The following CPA6 variants were observed in gnomAD, a reference collection of about 807,000 sequenced individuals.
The protein encoded by CPA6 is carboxypeptidase B.
Under a neutral mutation model 63.3 loss-of-function variants are expected in CPA6, and 58 were observed. That is an observed-to-expected ratio of 0.92 (90% confidence interval 0.74 to 1.14). CPA6 has a LOEUF of 1.14. CPA6 is among the 50% of genes most tolerant of loss of function. The probability of loss-of-function intolerance (pLI) is 0.00; values close to 1 mark genes in which losing one functional copy is unlikely to be tolerated. For missense variants in CPA6, 565 were observed against 526.6 expected (o/e 1.07, Z -0.71); for synonymous variants, 185 against 179.0 (o/e 1.03, Z -0.27).
chr8:67,448,534 G>A (rs2047834), intron 8 of CPA6, among the ~76,000 whole-genome samples: 36,682 of 149,420 alleles, frequency 0.25, 5,154 homozygotes, highest in African/African-American at 0.39. Context: ...TGGTAGGCTG[G>A]GGTGGAAGTA....
intron 2 of CPA6, among the ~76,000 whole-genome samples, chr8:67,580,476 A>G (rs1813743017): frequency 6.6e-6 from 1 of 152,196 alleles, no homozygotes; most frequent in Non-Finnish European, 1.5e-5. Context: ...AGAAGCCTCA[A>G]TGTCTTTAAA....
At chr8:67,535,987 G>A (rs776886824) in intron 2 of CPA6, among the ~76,000 whole-genome samples, 23 of 152,124 alleles carry the variant, frequency 1.5e-4, no homozygotes, top group Non-Finnish European at 2.5e-4. Flanking sequence ...GCTTGTTTTT[G>A]TCAGTTTGCC....
At chr8:67,579,148 C>T (rs944513919) in intron 2 of CPA6, among the ~76,000 whole-genome samples, 3 of 151,980 alleles carry the variant, frequency 2.0e-5, no homozygotes, top group Admixed American at 6.6e-5. Flanking sequence ...TGGTGGCTCA[C>T]GCCTGTAATC....
At chr8:67,530,691 T>A (rs185634986) in intron 2 of CPA6, among the ~76,000 whole-genome samples, 3 of 152,308 alleles carry the variant, frequency 2.0e-5, no homozygotes, top group Non-Finnish European at 4.4e-5. Flanking sequence ...ATGTCTGTTA[T>A]AACTACACAA....
intron 2 of CPA6, among the ~76,000 whole-genome samples, chr8:67,563,360 C>T (rs1479333633): frequency 6.6e-6 from 1 of 152,184 alleles, no homozygotes; most frequent in Non-Finnish European, 1.5e-5. Flanking sequence ...GCGTCATTCA[C>T]TGCCTGAGGT....
chr8:67,466,047 G>A (rs1296533795), intron 8 of CPA6, among the ~76,000 whole-genome samples: 1 of 150,236 alleles, frequency 6.7e-6, no homozygotes, highest in Non-Finnish European at 1.5e-5. Flanking sequence ...TCTTCTTCTG[G>A]CAGAATGTAG....
chr8:67,573,162 C>T (rs1184697126), intron 2 of CPA6, among the ~76,000 whole-genome samples: 1 of 152,204 alleles, frequency 6.6e-6, no homozygotes, highest in Non-Finnish European at 1.5e-5. Context: ...CCACAGCTAA[C>T]ATTATACACA....
At chr8:67,440,612 A>T (rs1022469108) in intron 8 of CPA6, among the ~76,000 whole-genome samples, 1 of 152,116 alleles carries the variant, frequency 6.6e-6, no homozygotes, top group Non-Finnish European at 1.5e-5. Flanking sequence ...GAAATACATC[A>T]TTAGACAATT....
intron 1 of CPA6, among the ~76,000 whole-genome samples, chr8:67,730,788 G>A (rs918719430): frequency 4.6e-5 from 7 of 152,202 alleles, no homozygotes; most frequent in African/African-American, 1.7e-4. Context: ...TTTAGATTGA[G>A]TGAAATGAGT....
chr8:67,737,346 G>T (rs1249706782), intron 1 of CPA6, among the ~76,000 whole-genome samples: 1 of 152,174 alleles, frequency 6.6e-6, no homozygotes, highest in African/African-American at 2.4e-5. Flanking sequence ...ATTTCTAGTT[G>T]TTCTTGATGA....
chr8:67,470,601 T>C (rs1235696705), intron 8 of CPA6, among the ~76,000 whole-genome samples: 1 of 152,218 alleles, frequency 6.6e-6, no homozygotes, highest in African/African-American at 2.4e-5. Context: ...TCTTCACATT[T>C]TGTGTGGACT....
At chr8:67,597,198 C>CTT (rs1219322033) in intron 2 of CPA6, among the ~76,000 whole-genome samples, 98 of 135,062 alleles carry the variant, frequency 7.3e-4, no homozygotes, top group Non-Finnish European at 8.5e-4. Flanking sequence ...CTCTGTGTCT[C>CTT]TTTTTTTTTT....
intron 2 of CPA6, among the ~76,000 whole-genome samples, chr8:67,592,924 T>C (rs1814176035): frequency 2.0e-5 from 3 of 152,056 alleles, no homozygotes; most frequent in Non-Finnish European, 2.9e-5. Flanking sequence ...TGCCTTCTGC[T>C]AGCTTTTGAA....
intron 2 of CPA6, among the ~76,000 whole-genome samples, chr8:67,518,583 T>C (rs1432271841): frequency 6.6e-6 from 1 of 150,398 alleles, no homozygotes; most frequent in Non-Finnish European, 1.5e-5. Context: ...CTCAGTTCCC[T>C]GCAATCTCTG....
chr8:67,740,813 A>G (rs1587742992), intron 1 of CPA6, among the ~76,000 whole-genome samples: 2 of 152,096 alleles, frequency 1.3e-5, no homozygotes, highest in Non-Finnish European at 2.9e-5. Flanking sequence ...CAGGTGATCC[A>G]CCTGCCTCGG....
chr8:67,604,519 C>T (rs1027319407), intron 2 of CPA6, among the ~76,000 whole-genome samples: 2 of 152,206 alleles, frequency 1.3e-5, no homozygotes, highest in African/African-American at 2.4e-5. Flanking sequence ...CCATGACCAT[C>T]TGATATACCA....
At chr8:67,508,978 T>TA (rs1348538235) in intron 5 of CPA6, among the ~76,000 whole-genome samples, 1 of 151,916 alleles carries the variant, frequency 6.6e-6, no homozygotes, top group Admixed American at 6.6e-5. Context: ...TCAGGAAACT[T>TA]AGAGTCATGG....
At chr8:67,555,385 C>CCTAAATGATG (rs1379595004) in intron 2 of CPA6, among the ~76,000 whole-genome samples, 4 of 152,064 alleles carry the variant, frequency 2.6e-5, no homozygotes, top group Non-Finnish European at 4.4e-5. Context: ...TACAAAGACC[C>CCTAAATGATG]CTAAATGATG....
At chr8:67,434,743 TCCTCACTGC>T (rs1307103259) in intron 8 of CPA6, among the ~76,000 whole-genome samples, 12 of 152,116 alleles carry the variant, frequency 7.9e-5, no homozygotes, top group African/African-American at 2.9e-4. Context: ...GGACCTCCAG[TCCTCACTGC>T]CCAGACCAAC....
Sources: gnomAD v4.1 joint callset for allele counts (sites outside exome capture counted in the v4.1 genomes callset) on GRCh38, gnomAD v4.1.1 for gene constraint, MANE v1.5 for transcripts, NCBI Gene and HGNC (gene_info 2026-07-23, HGNC 2026-07-21) for gene names.